The following WNT7A variants were observed in gnomAD, a reference collection of about 807,000 sequenced individuals.
The protein encoded by WNT7A is protein Wnt-7a.
WNT7A carries 16 observed loss-of-function variants against 28.2 expected under a neutral mutation model. That is an observed-to-expected ratio of 0.57 (90% confidence interval 0.38 to 0.86). The LOEUF is 0.86. Ranked by LOEUF, WNT7A falls within the 40% of genes least tolerant of loss-of-function variation. The pLI is 0.00. For synonymous variants in WNT7A, 190 were observed against 195.9 expected (o/e 0.97, Z 0.25); for missense variants, 411 against 489.7 (o/e 0.84, Z 1.52).
At chr3:13,824,414 T>C (rs1268842802) in intron 3 of WNT7A, among the ~76,000 whole-genome samples, 1 of 152,258 alleles carries the variant, frequency 6.6e-6, no homozygotes, top group Non-Finnish European at 1.5e-5. Context: ...TCTGTGCATG[T>C]TGTAGCATGT....
intron 2 of WNT7A, among the ~76,000 whole-genome samples, chr3:13,874,464 G>T (rs991297343): frequency 1.3e-5 from 2 of 152,134 alleles, no homozygotes; most frequent in African/African-American, 4.8e-5. Flanking sequence ...TGCACAGGAC[G>T]GGCAGCAGTA....
chr3:13,845,940 G>T (rs898162531), intron 3 of WNT7A, among the ~76,000 whole-genome samples: 10 of 152,218 alleles, frequency 6.6e-5, no homozygotes, highest in African/African-American at 2.4e-4. Flanking sequence ...AACAGGAGGT[G>T]CCCTGGTCCC....
chr3:13,860,704 T>C (rs1293262767), intron 2 of WNT7A, among the ~76,000 whole-genome samples: 2 of 152,140 alleles, frequency 1.3e-5, no homozygotes, highest in Admixed American at 1.3e-4. Context: ...GAGAACTCCC[T>C]TGGACCCTGG....
intron 2 of WNT7A, among the ~76,000 whole-genome samples, chr3:13,862,375 G>A (rs978350768): frequency 4.6e-5 from 7 of 152,324 alleles, no homozygotes; most frequent in African/African-American, 1.2e-4. Flanking sequence ...GGTTTGCACC[G>A]GAATATTATC....
At chr3:13,839,794 T>A (rs1694427558) in intron 3 of WNT7A, among the ~76,000 whole-genome samples, 1 of 152,148 alleles carries the variant, frequency 6.6e-6, no homozygotes, top group African/African-American at 2.4e-5. Context: ...CACTCAGAGG[T>A]GCCACATGTT....
intron 3 of WNT7A, among the ~76,000 whole-genome samples, chr3:13,829,123 G>A (rs1488092460): frequency 6.6e-6 from 1 of 152,116 alleles, no homozygotes; most frequent in East Asian, 1.9e-4. Context: ...GTGATTCCTG[G>A]AGCTTAGGCA....
At chr3:13,878,390 G>C (rs1025359004) in intron 1 of WNT7A, among the ~76,000 whole-genome samples, 1 of 152,204 alleles carries the variant, frequency 6.6e-6, no homozygotes, top group African/African-American at 2.4e-5. Flanking sequence ...GGGCGGCGGG[G>C]CGCGGGCCAA....
chr3:13,874,197 G>A (rs2124878945), intron 2 of WNT7A, among the ~76,000 whole-genome samples: 1 of 152,312 alleles, frequency 6.6e-6, no homozygotes, highest in South Asian at 2.1e-4. Context: ...CCAGCCTGTG[G>A]CAGTTTCTGG....
In WNT7A at chr3:13,835,204, C is replaced by T. The variant is rs142888077; in HGVS notation, c.571-15781G>A. Among the ~76,000 whole-genome samples, 14 of 152,244 alleles carry T rather than the reference C, an allele frequency of 9.2e-5. No individual in the cohort carries two copies. In the East Asian group the frequency reaches 1.4e-3, roughly 15 times the overall value. ...GCGGGGTCTTTGTCCTGATGGTTCTCGCTGGGGTCAGAGGAGCACATGTGG... is the reference window on the plus strand; with the variant it reads ...GCGGGGTCTTTGTCCTGATGGTTCTTGCTGGGGTCAGAGGAGCACATGTGG... On this transcript the variant is annotated intron_variant, in intron 3 of 3. Transcript: ENST00000285018.
Position 13,856,908 on chromosome 3 carries a change from G to GAAGAAGAAGAAGAAA in WNT7A, c.299-2106_299-2105insTTTCTTCTTCTTCTT, listed in dbSNP as rs1559303232. On this transcript the variant is annotated intron_variant, in intron 2 of 3. Coordinates refer to ENST00000285018, the MANE Select transcript of WNT7A (RefSeq NM_004625.4). ...AGAAGAAGAAAAAGAAGAAGAAGAA[G>GAAGAAGAAGAAGAAA]AAGAAGAAGAAGAAGAAGAAGAAGA... Among the ~76,000 whole-genome samples the GAAGAAGAAGAAGAAA allele has an allele frequency of 3.0e-4, 22 of 74,460 alleles. 1 individual carries two copies. The highest frequency in any genetic ancestry group is 1.8e-4 in the Non-Finnish European group (7 of 39,930). The allele number at this position is 74,460 out of a possible 152,430, so 48.8% of individuals were successfully genotyped here. A position where few individuals can be genotyped will look rare whatever the true frequency, so the allele number is the denominator to read the frequency against.
chr3:13,823,271 G>T (rs1211374594), intron 3 of WNT7A, among the ~76,000 whole-genome samples: 4 of 152,184 alleles, frequency 2.6e-5, no homozygotes, highest in Non-Finnish European at 4.4e-5. Flanking sequence ...GAAGAGCCTG[G>T]GCTCTGTGCT....
intron 2 of WNT7A, among the ~76,000 whole-genome samples, chr3:13,862,710 G>A (rs534985343): frequency 2.1e-4 from 32 of 152,258 alleles, no homozygotes; most frequent in Non-Finnish European, 3.5e-4. Context: ...CCCACAGCTC[G>A]GGAAACTGGG....
intron 3 of WNT7A, among the ~76,000 whole-genome samples, chr3:13,837,135 AG>A (rs1343680899): frequency 1.3e-5 from 2 of 152,066 alleles, no homozygotes; most frequent in East Asian, 3.9e-4. Context: ...CTGTCCTCTG[AG>A]GCCCCAGGGC....
intron 3 of WNT7A, among the ~76,000 whole-genome samples, chr3:13,833,477 C>T (rs1323411618): frequency 1.3e-5 from 2 of 152,252 alleles, no homozygotes; most frequent in South Asian, 2.1e-4. Flanking sequence ...CTCAGCTTTG[C>T]TCCCCTGTAA....
At chr3:13,844,626 G>C (rs1447671531) in intron 3 of WNT7A, among the ~76,000 whole-genome samples, 1 of 152,208 alleles carries the variant, frequency 6.6e-6, no homozygotes, top group Non-Finnish European at 1.5e-5. Context: ...CCCCACCTGG[G>C]ACAGAGCGAG....
chr3:13,867,936 G>A (rs1694937430), intron 2 of WNT7A, among the ~76,000 whole-genome samples: 1 of 152,222 alleles, frequency 6.6e-6, no homozygotes, highest in Non-Finnish European at 1.5e-5. Flanking sequence ...CAGCTGGCCA[G>A]TCCCAGTGTT....
intron 2 of WNT7A, among the ~76,000 whole-genome samples, chr3:13,861,185 C>T (rs958010355): frequency 6.6e-6 from 1 of 152,232 alleles, no homozygotes; most frequent in Non-Finnish European, 1.5e-5. Flanking sequence ...CCATGTGGAG[C>T]CTGTGAGTGA....
At chr3:13,860,057 GT>G (rs548810444) in intron 2 of WNT7A, among the ~76,000 whole-genome samples, 32 of 147,842 alleles carry the variant, frequency 2.2e-4, no homozygotes, top group East Asian at 2.0e-3. Context: ...AGACACTTGG[GT>G]TTTTTTTTTT....
chr3:13,846,954 A>C (rs1408483172), intron 3 of WNT7A, among the ~76,000 whole-genome samples: 1 of 152,132 alleles, frequency 6.6e-6, no homozygotes, highest in Non-Finnish European at 1.5e-5. Flanking sequence ...ACCAGGCTGC[A>C]TGAAGCTGGG....
Sources: allele counts gnomAD v4.1 joint callset (sites outside exome capture counted in the v4.1 genomes callset), GRCh38; gene constraint gnomAD v4.1.1; transcripts MANE v1.5; gene names NCBI Gene and HGNC (gene_info 2026-07-23, HGNC 2026-07-21).